HUNK: variants seen among roughly 807,000 people sequenced by gnomAD.
The protein encoded by HUNK is hormonally up-regulated Neu-associated kinase.
A neutral mutation model predicts 61.0 loss-of-function variants in HUNK; 21 were observed. The ratio of observed to expected loss-of-function variants is 0.34; its 90% CI spans 0.24 to 0.50. The LOEUF is 0.50. Among genes scored for constraint, HUNK ranks in the 20% least tolerant of loss-of-function variants. The pLI is 0.98. For synonymous variants in HUNK, 371 were observed against 386.1 expected, an observed-to-expected ratio of 0.96 and a Z score of 0.46; for missense variants, 772 against 945.7, an observed-to-expected ratio of 0.82 and a Z score of 2.41.
At chr21:31,914,922 A>G (rs2052571814) in intron 1 of HUNK, among the ~76,000 whole-genome samples, 1 of 152,156 alleles carries the variant, frequency 6.6e-6, no homozygotes, top group Non-Finnish European at 1.5e-5. Context: ...GCAGATGGCA[A>G]TCTTGAACCA....
intron 6 of HUNK, among the ~76,000 whole-genome samples, chr21:31,969,268 T>G (rs2052993278): frequency 1.3e-5 from 2 of 152,192 alleles, no homozygotes; most frequent in Admixed American, 1.3e-4. Flanking sequence ...CGCCCCTCCC[T>G]TTCCAAACCA....
chr21:31,970,143 A>G (rs2052999994), intron 6 of HUNK, among the ~76,000 whole-genome samples: 1 of 152,162 alleles, frequency 6.6e-6, no homozygotes, highest in Admixed American at 6.5e-5. Context: ...TCATAGGTTC[A>G]ATGCCTAGGA....
At chr21:31,900,484 C>CACACACACACACACACACACA (rs2052458243) in intron 1 of HUNK, among the ~76,000 whole-genome samples, 1 of 151,888 alleles carries the variant, frequency 6.6e-6, no homozygotes, top group African/African-American at 2.4e-5. Context: ...CACACAAACT[C>CACACACACACACACACACACA]TACTGTGCTC....
At chr21:31,904,902 G>A (rs1169714147) in intron 1 of HUNK, among the ~76,000 whole-genome samples, 1 of 152,042 alleles carries the variant, frequency 6.6e-6, no homozygotes, top group East Asian at 1.9e-4. Context: ...GACCAGCCTG[G>A]CCTCAAACCC....
chr21:31,905,389 T>C (rs2052498129), intron 1 of HUNK, among the ~76,000 whole-genome samples: 2 of 152,218 alleles, frequency 1.3e-5, no homozygotes, highest in South Asian at 4.1e-4. Flanking sequence ...GGTGATACTT[T>C]GTTGTGACAG....
At chr21:31,944,890 C>T (rs1601390684) in intron 3 of HUNK, among the ~76,000 whole-genome samples, 1 of 152,178 alleles carries the variant, frequency 6.6e-6, no homozygotes, top group South Asian at 2.1e-4. Context: ...CATCTTGATC[C>T]ATGGTGTGCA....
At chr21:31,971,285 T>C (rs1470172273) in intron 6 of HUNK, among the ~76,000 whole-genome samples, 1 of 152,056 alleles carries the variant, frequency 6.6e-6, no homozygotes, top group African/African-American at 2.4e-5. Context: ...TTGCCCAGGC[T>C]GGTCATAAAC....
rs145526252 is a variant in HUNK at position 31,983,562 on chromosome 21, C to G, written c.1210C>G (p.Arg404Gly). ...DIQDSLCYKT[R>G]LYQIEKYRAP... ...CCAGGACAGCCTCTGCTACAAGACC[C>G]GGCTCTACCAGATAGAAAAGTACAG... The change falls in exon 8 of 11, where the codon CGG becomes GGG. Residue 404 changes from arginine to glycine, a missense_variant. Around this residue, in one of 2 missense-constraint regions of HUNK, gnomAD observed 413 missense variants for 444.4 expected, o/e 0.93. Transcript: ENST00000270112. 1 of 1,613,818 alleles carries G rather than the reference C, an allele frequency of 6.2e-7. No individual in the cohort carries two copies. The highest frequency in any genetic ancestry group is 1.3e-5 in the African/African-American group (1 of 74,988).
intron 1 of HUNK, among the ~76,000 whole-genome samples, chr21:31,916,293 G>T (rs1302851326): frequency 1.3e-5 from 2 of 151,726 alleles, no homozygotes; most frequent in East Asian, 3.9e-4. Context: ...CTCGTTATCC[G>T]CCCGCCTCGG....
chr21:31,996,036 C>G, intron 10 of HUNK, 88 bp downstream of exon 10: 2 of 988,668 alleles, frequency 2.0e-6, no homozygotes, highest in East Asian at 2.6e-5. Flanking sequence ...TCGAATGGGC[C>G]CTAGAGCAGA....
chr21:31,925,843 G>C (rs1208843789), intron 2 of HUNK, among the ~76,000 whole-genome samples: 1 of 152,106 alleles, frequency 6.6e-6, no homozygotes, highest in Non-Finnish European at 1.5e-5. Flanking sequence ...GGGAGTGTTG[G>C]CTTCACCAAT....
At chr21:31,993,771 C>T (rs932576524) in intron 9 of HUNK, among the ~76,000 whole-genome samples, 2 of 152,112 alleles carry the variant, frequency 1.3e-5, no homozygotes, top group Non-Finnish European at 2.9e-5. Context: ...TAGTGATTGT[C>T]CTTTGCTGGC....
At position 31,968,715 on chromosome 21, in the gene HUNK, A is replaced by AGTGTGTGT. The variant is rs746064468; in HGVS notation, c.1010+362_1010+369dup. ...GACCTTTGAGACTAGCTGTGGCCCGAGTGTGTGTGTGTGTGTGTGTGTGTG... is the reference window on the plus strand; with the variant it reads ...GACCTTTGAGACTAGCTGTGGCCCGAGTGTGTGTGTGTGTGTGTGTGTGTGTGTGTGTG... On this transcript the variant is annotated intron_variant, in intron 6 of 10. Transcript: ENST00000270112. Among the ~76,000 whole-genome samples the AGTGTGTGT allele has an allele frequency of 4.0e-3, 349 of 88,304 alleles. 1 individual carries two copies. Among genetic ancestry groups the AGTGTGTGT allele is most frequent in the Middle Eastern group, 0.012 (2 of 162 alleles). The allele number at this position is 88,304 out of a possible 152,430, so 57.9% of individuals were successfully genotyped here.
chr21:31,875,599 C>T (rs1269647386), intron 1 of HUNK, among the ~76,000 whole-genome samples: 1 of 152,182 alleles, frequency 6.6e-6, no homozygotes, highest in Non-Finnish European at 1.5e-5. Context: ...AGCTGTCTGA[C>T]TTCCACACTG....
chr21:31,986,857 A>G (rs1446018848), intron 8 of HUNK, among the ~76,000 whole-genome samples: 5 of 152,096 alleles, frequency 3.3e-5, no homozygotes, highest in Non-Finnish European at 7.4e-5. Context: ...ATCCAGTCTT[A>G]TCCTATCGAT....
intron 1 of HUNK, among the ~76,000 whole-genome samples, chr21:31,905,070 T>G (rs1018428251): frequency 3.2e-5 from 2 of 61,720 alleles, no homozygotes; most frequent in Admixed American, 4.3e-4. Context: ...AGAGTGAGAC[T>G]GTGTCTAAAA....
At chr21:31,987,545 TC>T (rs1280719825) in intron 8 of HUNK, among the ~76,000 whole-genome samples, 6 of 152,186 alleles carry the variant, frequency 3.9e-5, no homozygotes, top group African/African-American at 1.4e-4. Flanking sequence ...TCATCTCGAT[TC>T]CTTTTCTGTG....
intron 5 of HUNK, among the ~76,000 whole-genome samples, chr21:31,960,243 C>G (rs748248247): frequency 1.2e-4 from 19 of 152,130 alleles, no homozygotes; most frequent in Admixed American, 2.6e-4. Flanking sequence ...AAACCAGTCT[C>G]TACCCTTATA....
At chr21:31,912,077 C>G (rs142841029) in intron 1 of HUNK, among the ~76,000 whole-genome samples, 1 of 152,268 alleles carries the variant, frequency 6.6e-6, no homozygotes, top group East Asian at 1.9e-4. Flanking sequence ...AAATTGGAAT[C>G]TGGAAGAAAC....
Sources: allele counts gnomAD v4.1 joint callset (sites outside exome capture counted in the v4.1 genomes callset), GRCh38; gene constraint gnomAD v4.1.1; regional missense constraint gnomAD v4.1.1; transcripts MANE v1.5; gene names NCBI Gene and HGNC (gene_info 2026-07-23, HGNC 2026-07-21).